Variants in ADAMTSL1 observed in about 807,000 individuals in gnomAD.
The protein encoded by ADAMTSL1 is ADAMTS like 1, also known as ADAMTS-like protein 1.
A neutral mutation model predicts 201.8 loss-of-function variants in ADAMTSL1; 126 were observed. The observed-to-expected ratio is 0.62, with a 90% CI of 0.54 to 0.72. The LOEUF is 0.72. Ranked by LOEUF, ADAMTSL1 falls within the 30% of genes least tolerant of loss-of-function variation. The probability of loss-of-function intolerance (pLI) is 0.00; values close to 1 mark genes in which losing one functional copy is unlikely to be tolerated. For synonymous variants in ADAMTSL1, 1,121 were observed against 903.4 expected (o/e 1.24, Z -4.32); for missense variants, 2,679 against 2,277.8 (o/e 1.18, Z -3.59).
At chr9:18,167,806 T>C (rs745586055) in intron 2 of ADAMTSL1, among the ~76,000 whole-genome samples, 6 of 152,014 alleles carry the variant, frequency 3.9e-5, no homozygotes, top group African/African-American at 9.7e-5. Context: ...TGCTTAATTA[T>C]ATTTCTAAAC....
chr9:18,059,296 A>T (rs1230678581), intron 1 of ADAMTSL1, among the ~76,000 whole-genome samples: 1 of 152,188 alleles, frequency 6.6e-6, no homozygotes, highest in African/African-American at 2.4e-5. Context: ...TTGTGTTGCA[A>T]CTGCAGTCTT....
intron 1 of ADAMTSL1, among the ~76,000 whole-genome samples, chr9:17,927,042 C>G (rs749608759): frequency 1.3e-5 from 2 of 152,136 alleles, no homozygotes; most frequent in African/African-American, 4.8e-5. Context: ...AAGTCTATAG[C>G]CACGAACAAC....
intron 15 of ADAMTSL1, among the ~76,000 whole-genome samples, chr9:18,732,637 T>C (rs1329549554): frequency 6.6e-6 from 1 of 152,040 alleles, no homozygotes; most frequent in African/African-American, 2.4e-5. Context: ...CGTCGATGAA[T>C]TGTGTTATTC....
intron 2 of ADAMTSL1, among the ~76,000 whole-genome samples, chr9:18,216,206 C>A (rs1016153172): frequency 1.3e-5 from 2 of 152,134 alleles, no homozygotes; most frequent in African/African-American, 4.8e-5. Flanking sequence ...TTAGGTCCAA[C>A]TTTTGTTGTT....
At chr9:18,032,977 T>C (rs1260651021) in intron 1 of ADAMTSL1, among the ~76,000 whole-genome samples, 1 of 152,158 alleles carries the variant, frequency 6.6e-6, no homozygotes, top group Non-Finnish European at 1.5e-5. Flanking sequence ...AAAAGATCTG[T>C]TCGAAATGTA....
chr9:18,700,442 A>C (rs538473788), intron 13 of ADAMTSL1, among the ~76,000 whole-genome samples: 1 of 152,244 alleles, frequency 6.6e-6, no homozygotes, highest in Non-Finnish European at 1.5e-5. Flanking sequence ...CTCTCTTCCA[A>C]GTTTCTTTCT....
At position 18,246,057 on chromosome 9, in the gene ADAMTSL1, G is replaced by C. The variant is rs149671825; in HGVS notation, c.207+82076G>C. 3.9e-5 allele frequency among the ~76,000 whole-genome samples: 6 copies of C among 152,212 alleles called. No homozygotes were observed. The East Asian group carries it at 1.2e-3, about 29-fold the overall frequency. ...TATGTCCCTCTACCGGCTGCTGTGG[G>C]TAAATTACAGACACAGATTAGACAC... On this transcript the variant is annotated intron_variant, in intron 2 of 29. Transcript: ENST00000680146.
chr9:18,492,522 T>C (rs1822317666), intron 1 of ADAMTSL1, among the ~76,000 whole-genome samples: 1 of 152,196 alleles, frequency 6.6e-6, no homozygotes. Context: ...AAGAGTTGCT[T>C]TGTAACAAAA....
chr9:18,651,219 A>T (rs1235424186), intron 7 of ADAMTSL1: 1 of 152,212 alleles, frequency 6.6e-6, no homozygotes, highest in African/African-American at 2.4e-5. Flanking sequence ...CATCATCTGG[A>T]TAACTGGCTG....
intron 2 of ADAMTSL1, among the ~76,000 whole-genome samples, chr9:18,217,922 G>C (rs1830113052): frequency 6.6e-6 from 1 of 151,924 alleles, no homozygotes; most frequent in Non-Finnish European, 1.5e-5. Flanking sequence ...ACTTGGGAGT[G>C]GGGGTAAGGG....
intron 2 of ADAMTSL1, among the ~76,000 whole-genome samples, chr9:18,299,025 AAT>A (rs1833592611): frequency 1.7e-4 from 20 of 116,734 alleles, no homozygotes; most frequent in African/African-American, 3.0e-4. Flanking sequence ...AAAAAAAAAT[AAT>A]AATAATAATA....
At chr9:17,936,912 G>C (rs143216342) in intron 1 of ADAMTSL1, among the ~76,000 whole-genome samples, 226 of 152,252 alleles carry the variant, frequency 1.5e-3, no homozygotes, top group African/African-American at 5.1e-3. Flanking sequence ...TTTGGTCTGA[G>C]GGTAGCATGT....
intron 23 of ADAMTSL1, among the ~76,000 whole-genome samples, chr9:18,840,941 G>A (rs2131317404): frequency 6.8e-6 from 1 of 147,946 alleles, no homozygotes; most frequent in South Asian, 2.3e-4. Context: ...TTTGGGCTGA[G>A]ACAATGGGGT....
chr9:18,091,051 GTGTGTGTGTGTATA>G (rs1399827998), intron 1 of ADAMTSL1, among the ~76,000 whole-genome samples: 2 of 134,086 alleles, frequency 1.5e-5, no homozygotes, highest in Admixed American at 1.6e-4. Flanking sequence ...TAAATAAGTA[GTGTGTGTGTGTATA>G]TGCATGTGTG....
At chr9:18,873,126 A>C (rs1223029557) in intron 23 of ADAMTSL1, among the ~76,000 whole-genome samples, 1 of 152,130 alleles carries the variant, frequency 6.6e-6, no homozygotes, top group Non-Finnish European at 1.5e-5. Flanking sequence ...TCTTCTTTTG[A>C]GAATTGTCTA....
intron 2 of ADAMTSL1, among the ~76,000 whole-genome samples, chr9:18,263,651 C>A (rs1338118816): frequency 6.6e-6 from 1 of 152,156 alleles, no homozygotes; most frequent in Non-Finnish European, 1.5e-5. Context: ...GTCCTAATCC[C>A]CAGTGGGGCT....
upstream of ADAMTSL1, among the ~76,000 whole-genome samples, chr9:18,470,137 C>T (rs143548137): frequency 1.6e-4 from 24 of 152,168 alleles, no homozygotes; most frequent in Admixed American, 2.6e-4. Flanking sequence ...CCCCAAATTT[C>T]CTGCCTGCTA....
intron 2 of ADAMTSL1, among the ~76,000 whole-genome samples, chr9:18,366,042 A>G (rs1836752630): frequency 6.6e-6 from 1 of 152,176 alleles, no homozygotes; most frequent in Admixed American, 6.5e-5. Context: ...TGGTGACAAA[A>G]AGGTTGGGGA....
intron 2 of ADAMTSL1, among the ~76,000 whole-genome samples, chr9:18,277,903 G>GA (rs1832645561): frequency 6.6e-6 from 1 of 151,900 alleles, no homozygotes; most frequent in African/African-American, 2.4e-5. Context: ...TGATTTTGAT[G>GA]ATTTTTTTTG....
Sources: allele counts gnomAD v4.1 joint callset (sites outside exome capture counted in the v4.1 genomes callset), GRCh38; gene constraint gnomAD v4.1.1; transcripts MANE v1.5; gene names NCBI Gene and HGNC (gene_info 2026-07-23, HGNC 2026-07-21).